Variants in ACOT9 observed in about 807,000 individuals in gnomAD.
ACOT9 encodes the protein acyl-coenzyme A thioesterase 9, mitochondrial.
Under a neutral mutation model 39.7 loss-of-function variants are expected in ACOT9, and 34 were observed. That is an observed-to-expected ratio of 0.86 (90% CI 0.65 to 1.14). The LOEUF is 1.14. Among genes scored for constraint, ACOT9 ranks in the 50% most tolerant of loss-of-function variants. The pLI, the probability that ACOT9 is intolerant of heterozygous loss-of-function variation, is 0.00. For missense variants in ACOT9, 313 were observed against 344.1 expected, an observed-to-expected ratio of 0.91 and a Z score of 0.71; for synonymous variants, 110 against 120.5, an observed-to-expected ratio of 0.91 and a Z score of 0.57.
chrX:23,719,860 G>A (rs1233237275), intron 8 of ACOT9, among the ~76,000 whole-genome samples: 12 of 105,221 alleles, frequency 1.1e-4, no homozygotes, highest in Admixed American at 1.0e-3. Context: ...TTTTTGAGAC[G>A]GAGTCTCGCT....
chrX:23,731,110 C>T (rs1175761434), intron 4 of ACOT9, 124 bp from the exon 5 acceptor site: 2 of 482,139 alleles, frequency 4.1e-6, no homozygotes, highest in East Asian at 7.9e-5. Flanking sequence ...CTTTCACCTT[C>T]TCTTCCTTCC....
chrX:23,729,877 T>C (rs6653691), intron 6 of ACOT9, among the ~76,000 whole-genome samples: 3 of 111,584 alleles, frequency 2.7e-5, no homozygotes, highest in African/African-American at 9.7e-5. Context: ...GTGATCTGCC[T>C]GCCTCAGCCT....
At chrX:23,709,587 AC>A (rs1437126080) in intron 9 of ACOT9, among the ~76,000 whole-genome samples, 43 of 111,211 alleles carry the variant, frequency 3.9e-4, no homozygotes, top group African/African-American at 1.4e-3. Context: ...TCACTAAGGG[AC>A]CAACATATTT....
rs879217715 is a variant in ACOT9, at chrX:23,722,559, C to T, written c.484+111G>A. ...GGCCTGGGTGACAAGAGCAAAACTC[C>T]GTCTCAAAAAAAAAAAAAATTCCCA... On this transcript the variant is annotated intron_variant, in intron 7 of 15. Transcript: ENST00000379303. 56 of 466,103 alleles carry T rather than the reference C, an allele frequency of 1.2e-4. No individual in the cohort carries two copies. The East Asian group carries it at 1.2e-3, about 10-fold the overall frequency. The allele number at this position is 466,103 out of a possible 1,213,427, so 38.4% of individuals were successfully genotyped here.
Position 23,704,698 on chromosome X carries a change from A to G in ACOT9, c.1254T>C (p.Tyr418=). The change falls in exon 15 of 16, where the codon TAT becomes TAC. Residue 418 remains tyrosine, a synonymous_variant. Transcript: ENST00000379303. ...CAAGCAATAATCACTACTTACCTCC[A>G]TATGTTTTTGGGAAAACCAATGGCA... The part of the protein sequence containing the change: ...KEVPLVFPKT[Y]GESMLYLDGQ... The G allele has an allele frequency of 8.3e-7, 1 of 1,211,059 alleles. No homozygotes were observed. Among genetic ancestry groups the G allele is most frequent in the Non-Finnish European group, 1.1e-6 (1 of 894,973 alleles).
intron 9 of ACOT9, 25 bp downstream of exon 9, chrX:23,713,110 A>G (rs754969124): frequency 4.2e-5 from 48 of 1,156,292 alleles, no homozygotes; most frequent in Middle Eastern, 2.4e-4. Context: ...TTCAAAATAA[A>G]GAATTATGAA....
At chrX:23,737,039 G>A (rs745465893) in intron 1 of ACOT9, among the ~76,000 whole-genome samples, 6 of 111,197 alleles carry the variant, frequency 5.4e-5, no homozygotes, top group Admixed American at 9.7e-5. Context: ...CAGGCCAGGC[G>A]TGGTGGCTCA....
At chrX:23,708,153 G>C (rs149118546) in intron 9 of ACOT9, among the ~76,000 whole-genome samples, 1 of 112,340 alleles carries the variant, frequency 8.9e-6, no homozygotes, top group African/African-American at 3.2e-5. Flanking sequence ...TTATAAAAAG[G>C]ATACTGGCAT....
At chrX:23,720,440 G>A (rs760778927) in intron 8 of ACOT9, among the ~76,000 whole-genome samples, 8 of 111,387 alleles carry the variant, frequency 7.2e-5, no homozygotes, top group African/African-American at 1.6e-4. Context: ...AGGTCATGCC[G>A]GAGTAGCGTG....
rs748354251 is a variant in ACOT9, at chrX:23,703,880, C to G, written c.*14G>C. ...CTGTGGGTAGAGTGCTAGTTTTCAA[C>G]AAATGTGGTGTTCTTAGGGCTCCAC... is the stretch of plus-strand genomic sequence containing the variant. On this transcript the variant is annotated 3_prime_UTR_variant, in exon 16 of 16. Transcript: ENST00000379303. 8.3e-7 allele frequency: 1 copy of G among 1,201,125 alleles called. No individual in the cohort carries two copies. The highest frequency in any genetic ancestry group is 1.1e-6 in the Non-Finnish European group (1 of 886,662).
intron 6 of ACOT9, among the ~76,000 whole-genome samples, chrX:23,723,130 T>G (rs1356217750): frequency 1.8e-5 from 2 of 111,657 alleles, no homozygotes; most frequent in Non-Finnish European, 3.8e-5. Flanking sequence ...CTTGGCTACC[T>G]GTTTTCCTCC....
intron 2 of ACOT9, 42 bp downstream of exon 2, chrX:23,735,877 G>T (rs1209798363): frequency 8.8e-7 from 1 of 1,138,540 alleles, no homozygotes; most frequent in Non-Finnish European, 1.2e-6. Context: ...GTAAAACAAG[G>T]TTTTTCACCA....
At chrX:23,714,330 C>T (rs1180095748) in intron 8 of ACOT9, among the ~76,000 whole-genome samples, 1 of 111,195 alleles carries the variant, frequency 9.0e-6, no homozygotes, top group Non-Finnish European at 1.9e-5. Context: ...GGCACAGGAG[C>T]TCCCAAGAAG....
At position 23,703,801 on chromosome X, in the gene ACOT9, G is replaced by A. The variant is rs1036459930; in HGVS notation, c.*93C>T. On this transcript the variant is annotated 3_prime_UTR_variant, in exon 16 of 16. Coordinates refer to ENST00000379303, the MANE Select transcript of ACOT9 (RefSeq NM_001037171.2). Reference sequence around the variant, plus strand: ...CATCCTCCTCCTGTGTGGAGGACACGAAGCAATACTAAAATCAATACACTC... The same window carrying A: ...CATCCTCCTCCTGTGTGGAGGACACAAAGCAATACTAAAATCAATACACTC... The A allele has an allele frequency of 3.5e-5, 25 of 719,879 alleles. No individual in the cohort carries two copies. The highest frequency in any genetic ancestry group is 2.4e-5 in the South Asian group (1 of 40,944). 59.3% of individuals were successfully genotyped at this position (719,879 alleles called of 1,213,427 possible).
chrX:23,740,276 T>C (rs2146862928), intron 1 of ACOT9, among the ~76,000 whole-genome samples: 1 of 109,571 alleles, frequency 9.1e-6, no homozygotes, highest in African/African-American at 3.3e-5. Context: ...CCAGCTAGTT[T>C]TTGTGTTTTT....
chrX:23,726,834 T>C (rs1451399936), intron 6 of ACOT9, among the ~76,000 whole-genome samples: 1 of 111,138 alleles, frequency 9.0e-6, no homozygotes, highest in Non-Finnish European at 1.9e-5. Context: ...ACCCGGCTAA[T>C]TTTTGTGTTT....
Position 23,708,007 on chromosome X carries a change from T to G in ACOT9, c.663-63A>C. ...GCCATTATCTAATAAAACTTGAAGA[T>G]GAACAATCACCTACTACTTTTAAAG... On this transcript the variant is annotated intron_variant, in intron 9 of 15. Coordinates refer to ENST00000379303, the MANE Select transcript of ACOT9 (RefSeq NM_001037171.2). 4 of 979,253 alleles carry G rather than the reference T, an allele frequency of 4.1e-6. No homozygotes were observed. In the South Asian group the frequency reaches 8.9e-5, roughly 22 times the overall value. The allele number at this position is 979,253 out of a possible 1,213,427, so 80.7% of individuals were successfully genotyped here.
chrX:23,738,628 A>C (rs1490465702), intron 1 of ACOT9, among the ~76,000 whole-genome samples: 1 of 111,252 alleles, frequency 9.0e-6, no homozygotes, highest in Non-Finnish European at 1.9e-5. Flanking sequence ...AGCATTCTAC[A>C]ACTGAATATA....
chrX:23,724,462 CT>C (rs1929436657), intron 6 of ACOT9, among the ~76,000 whole-genome samples: 1 of 108,981 alleles, frequency 9.2e-6, no homozygotes, highest in East Asian at 2.9e-4. Context: ...AGTGAGACCC[CT>C]GTCTCTACAA....
Sources: allele counts gnomAD v4.1 joint callset (sites outside exome capture counted in the v4.1 genomes callset), GRCh38; gene constraint gnomAD v4.1.1; transcripts MANE v1.5; gene names NCBI Gene and HGNC (gene_info 2026-07-23, HGNC 2026-07-21).